KCNIP4: variants seen among roughly 807,000 people sequenced by gnomAD.
KCNIP4 encodes Kv channel-interacting protein 4.
Under a neutral mutation model 34.0 loss-of-function variants are expected in KCNIP4, and 12 were observed. The observed-to-expected ratio is 0.35, with a 90% CI of 0.23 to 0.57. KCNIP4 has a LOEUF of 0.57. KCNIP4 is among the 20% of genes least tolerant of loss of function. The probability of loss-of-function intolerance (pLI) is 0.83; values close to 1 mark genes in which losing one functional copy is unlikely to be tolerated. For synonymous variants in KCNIP4, 124 were observed against 102.2 expected (o/e 1.21, Z -1.29); for missense variants, 238 against 311.7 (o/e 0.76, Z 1.78).
At chr4:21,292,723 C>G (rs918382041) in intron 1 of KCNIP4, among the ~76,000 whole-genome samples, 1 of 152,166 alleles carries the variant, frequency 6.6e-6, no homozygotes, top group Non-Finnish European at 1.5e-5. Context: ...AAGAAGAAAG[C>G]AGTTGGACAC....
intron 1 of KCNIP4, among the ~76,000 whole-genome samples, chr4:21,352,209 G>A (rs995801013): frequency 2.0e-5 from 3 of 152,136 alleles, no homozygotes; most frequent in East Asian, 1.9e-4. Flanking sequence ...CAGTGTGATC[G>A]ATGCAGAAGA....
chr4:21,244,247 C>T (rs1439132756), intron 1 of KCNIP4, among the ~76,000 whole-genome samples: 2 of 152,142 alleles, frequency 1.3e-5, no homozygotes, highest in Non-Finnish European at 2.9e-5. Flanking sequence ...TCACCCCAAA[C>T]ATTTCATTTT....
chr4:20,956,502 T>C (rs1733319894), intron 1 of KCNIP4, among the ~76,000 whole-genome samples: 1 of 73,868 alleles, frequency 1.4e-5, no homozygotes, highest in Non-Finnish European at 2.4e-5. Context: ...AAGACTTCCT[T>C]CCAAAAAAAA....
At chr4:21,013,149 G>T (rs1234515833) in intron 1 of KCNIP4, among the ~76,000 whole-genome samples, 2 of 152,152 alleles carry the variant, frequency 1.3e-5, no homozygotes, top group African/African-American at 4.8e-5. Context: ...AAACAGAGGA[G>T]GTAGCACAGA....
intron 2 of KCNIP4, among the ~76,000 whole-genome samples, chr4:20,878,370 G>A (rs1356147177): frequency 2.6e-5 from 4 of 152,224 alleles, no homozygotes; most frequent in African/African-American, 9.6e-5. Context: ...ACTCTCTCCA[G>A]ACCTTCACAT....
At chr4:21,406,556 T>C (rs963627480) in intron 1 of KCNIP4, among the ~76,000 whole-genome samples, 9 of 152,190 alleles carry the variant, frequency 5.9e-5, no homozygotes, top group African/African-American at 1.7e-4. Context: ...TTTATAATAT[T>C]CTTTGTGACA....
At chr4:20,781,295 G>C (rs572914992) in intron 3 of KCNIP4, among the ~76,000 whole-genome samples, 35 of 152,172 alleles carry the variant, frequency 2.3e-4, no homozygotes, top group Non-Finnish European at 4.9e-4. Context: ...CTATTCACTA[G>C]ATCTCTATTA....
intron 1 of KCNIP4, among the ~76,000 whole-genome samples, chr4:21,237,427 G>A (rs576355140): frequency 2.5e-4 from 38 of 152,168 alleles, no homozygotes; most frequent in African/African-American, 5.3e-4. Flanking sequence ...GTCTCTTAGC[G>A]TAAAGACAAC....
chr4:20,738,278 C>G (rs572667220), intron 5 of KCNIP4, among the ~76,000 whole-genome samples: 62 of 152,200 alleles, frequency 4.1e-4, no homozygotes, highest in Non-Finnish European at 7.2e-4. Flanking sequence ...TTTAAAAATT[C>G]ACAGCGTAGT....
At chr4:20,898,770 T>C (rs1194460310) in intron 1 of KCNIP4, among the ~76,000 whole-genome samples, 1 of 152,240 alleles carries the variant, frequency 6.6e-6, no homozygotes, top group Non-Finnish European at 1.5e-5. Context: ...TATATCTATA[T>C]CGTATCTATC....
At chr4:20,970,243 C>T (rs115244849) in intron 1 of KCNIP4, among the ~76,000 whole-genome samples, 2,696 of 152,126 alleles carry the variant, frequency 0.018, 82 homozygotes, top group African/African-American at 0.062. Context: ...GCCCGGCCAG[C>T]GGTTATTCTT....
intron 1 of KCNIP4, among the ~76,000 whole-genome samples, chr4:21,345,454 A>G (rs753814231): frequency 6.6e-6 from 1 of 152,196 alleles, no homozygotes; most frequent in Non-Finnish European, 1.5e-5. Flanking sequence ...GATTTGTTAC[A>G]TAGTAATGGA....
intron 1 of KCNIP4, among the ~76,000 whole-genome samples, chr4:20,999,322 T>C (rs1737845374): frequency 6.6e-6 from 1 of 151,652 alleles, no homozygotes; most frequent in South Asian, 2.1e-4. Context: ...GAATAAATCA[T>C]ATTTCAAGAT....
chr4:21,944,682 T>C (rs1025903726), intron 1 of KCNIP4, among the ~76,000 whole-genome samples: 1 of 152,256 alleles, frequency 6.6e-6, no homozygotes, highest in East Asian at 1.9e-4. Context: ...AAGTCAGACT[T>C]CATGCTCAAT....
chr4:20,748,192 C>G (rs1752773215), intron 5 of KCNIP4, among the ~76,000 whole-genome samples: 1 of 152,128 alleles, frequency 6.6e-6, no homozygotes, highest in Non-Finnish European at 1.5e-5. Flanking sequence ...ATGTCAACTT[C>G]TGGCCTCTAT....
intron 3 of KCNIP4, among the ~76,000 whole-genome samples, chr4:20,795,279 T>C (rs1578636296): frequency 6.6e-6 from 1 of 152,268 alleles, no homozygotes. Context: ...CAGATGACTT[T>C]ATTATACTTC....
At chr4:20,848,754 TCTC>T (rs948204122) in intron 3 of KCNIP4, among the ~76,000 whole-genome samples, 6 of 152,098 alleles carry the variant, frequency 3.9e-5, no homozygotes, top group African/African-American at 1.4e-4. Flanking sequence ...TGGATTCAGT[TCTC>T]CTGTGTTCAA....
chr4:21,138,146 G>C (rs1751657207), intron 1 of KCNIP4, among the ~76,000 whole-genome samples: 1 of 152,102 alleles, frequency 6.6e-6, no homozygotes. Flanking sequence ...TGCATATGCT[G>C]AGTCATTGCC....
intron 3 of KCNIP4, among the ~76,000 whole-genome samples, chr4:20,774,198 T>G (rs1756166318): frequency 6.6e-6 from 1 of 152,216 alleles, no homozygotes; most frequent in African/African-American, 2.4e-5. Flanking sequence ...ACAATGATGC[T>G]CGTTCTGAAC....
Sources: allele counts gnomAD v4.1 joint callset (sites outside exome capture counted in the v4.1 genomes callset), GRCh38; gene constraint gnomAD v4.1.1; transcripts MANE v1.5; gene names NCBI Gene and HGNC (gene_info 2026-07-23, HGNC 2026-07-21).